The following DOT1L variants were observed in gnomAD, a reference collection of about 807,000 sequenced individuals.
The protein encoded by DOT1L is DOT1 like histone lysine methyltransferase.
Under a neutral mutation model 153.3 loss-of-function variants are expected in DOT1L, and 33 were observed. The observed-to-expected ratio is 0.22, with a 90% CI of 0.16 to 0.29. The LOEUF (loss-of-function observed/expected upper bound fraction) is 0.29. Among genes scored for constraint, DOT1L ranks in the 10% least tolerant of loss-of-function variants. The pLI is 1.00. For missense variants in DOT1L, 1,847 were observed against 2,119.9 expected, an observed-to-expected ratio of 0.87 and a Z score of 2.53; for synonymous variants, 1,135 against 965.1, an observed-to-expected ratio of 1.18 and a Z score of -3.26.
At chr19:2,215,254 A>G (rs142269282) in intron 19 of DOT1L, among the ~76,000 whole-genome samples, 1 of 152,314 alleles carries the variant, frequency 6.6e-6, no homozygotes, top group African/African-American at 2.4e-5. Context: ...TGACAGAGCC[A>G]GGCCCCATCT....
At position 2,197,608 on chromosome 19, in the gene DOT1L, C is replaced by T. The variant is rs947645246; in HGVS notation, c.652-2276C>T. On this transcript the variant is annotated intron_variant, in intron 7 of 27. Coordinates refer to ENST00000398665, the MANE Select transcript of DOT1L (RefSeq NM_032482.3). This position sits in a 1 kb window ranked among gnomAD's most constrained non-coding sequence, Gnocchi z 4.1. ...GAGCAGCATGGTGTCTAGTGTGGCACAGGTGCTCCTGGCATGGAGCTGCGT... is the reference window on the plus strand; with the variant it reads ...GAGCAGCATGGTGTCTAGTGTGGCATAGGTGCTCCTGGCATGGAGCTGCGT... Among the ~76,000 whole-genome samples the T allele has an allele frequency of 7.9e-5, 12 of 152,318 alleles. No individual in the cohort carries two copies. The highest frequency in any genetic ancestry group is 2.9e-4 in the African/African-American group (12 of 41,572).
rs572943621 is a variant in DOT1L, at chr19:2,223,581, C to T, written c.3596+95C>T. 6.1e-5 allele frequency: 68 copies of T among 1,115,128 alleles called. 1 individual carries two copies. The South Asian group carries it at 1.1e-3, about 17-fold the overall frequency. 69.1% of individuals were successfully genotyped at this position (1,115,128 alleles called of 1,614,324 possible). A position where few individuals can be genotyped will look rare whatever the true frequency, so the allele number is the denominator to read the frequency against. The stretch of plus-strand genomic sequence containing the variant: ...GTGTGGGTGGGTGGGTGGGGAGGAC[C>T]GGCAGGCTCTTAGGGGGTGCCCTGG... On this transcript the variant is annotated intron_variant, in intron 25 of 27. Coordinates refer to ENST00000398665, the MANE Select transcript of DOT1L (RefSeq NM_032482.3).
In DOT1L at chr19:2,210,446, G is replaced by A; in HGVS notation, c.1052G>A (p.Ser351Asn). 6.3e-7 allele frequency: 1 copy of A among 1,576,050 alleles called. No homozygotes were observed. The highest frequency in any genetic ancestry group is 1.1e-5 in the South Asian group (1 of 88,414). The change falls in exon 13 of 28, where the codon AGC becomes AAC. Residue 351 changes from serine (S) to asparagine (N), a missense_variant. Ser to Asn is a conservative substitution (Grantham distance 46). Coordinates refer to ENST00000398665, the MANE Select transcript of DOT1L (RefSeq NM_032482.3). ...ARRRQQRESK[S>N]NAATPTKGPE... is the part of the protein sequence containing the mutation. Reference sequence around the variant, plus strand: ...CGCCGCCAGCAGCGCGAGAGCAAGAGCAACGCGGCCACGCCCACTAAGGGC... The same window carrying A: ...CGCCGCCAGCAGCGCGAGAGCAAGAACAACGCGGCCACGCCCACTAAGGGC...
Position 2,192,332 on chromosome 19 carries a change from A to G in DOT1L, c.493+1092A>G, listed in dbSNP as rs972597372. Among the ~76,000 whole-genome samples the G allele has an allele frequency of 1.8e-4, 28 of 152,310 alleles. No homozygotes were observed. The Middle Eastern group carries it at 0.01, about 56-fold the overall frequency. ...GCATAGCAAGATCCCACTTCTGTTT[A>G]TTTATTTAAATTTATTTTCAAATTT... On this transcript the variant is annotated intron_variant, in intron 5 of 27. Coordinates refer to ENST00000398665, the MANE Select transcript of DOT1L (RefSeq NM_032482.3).
intron 1 of DOT1L, among the ~76,000 whole-genome samples, chr19:2,173,754 C>T (rs1320086097): frequency 6.6e-6 from 1 of 152,160 alleles, no homozygotes; most frequent in Non-Finnish European, 1.5e-5. Context: ...GTGAACCTTC[C>T]CGGTACCTTG....
At chr19:2,229,466 G>T (rs181384221) in intron 27 of DOT1L, 5 of 985,482 alleles carry the variant, frequency 5.1e-6, no homozygotes, top group Non-Finnish European at 6.0e-6. Flanking sequence ...GCGGGCACCT[G>T]CGGGCTGGAC....
At position 2,190,884 on chromosome 19, in the gene DOT1L, C is replaced by A; in HGVS notation, c.265-128C>A. The A allele has an allele frequency of 1.2e-6, 1 of 859,128 alleles. No homozygotes were observed. The highest frequency in any genetic ancestry group is 1.8e-6 in the Non-Finnish European group (1 of 559,278). 53.2% of individuals were successfully genotyped at this position (859,128 alleles called of 1,614,324 possible). A position where few individuals can be genotyped will look rare whatever the true frequency, so the allele number is the denominator to read the frequency against. On this transcript the variant is annotated intron_variant, in intron 4 of 27. Transcript: ENST00000398665. This position sits in a 1 kb window ranked among gnomAD's most constrained non-coding sequence, Gnocchi z 4.8. ...AACTGACCTGGGAGCCCGGCAGCCA[C>A]CCTGCAGGGGGACGAGAGGCCATGC...
chr19:2,166,806 G>T (rs565638146), intron 1 of DOT1L, among the ~76,000 whole-genome samples: 3 of 152,322 alleles, frequency 2.0e-5, no homozygotes. Flanking sequence ...AACTCATTGG[G>T]TGGTGCCCTG....
chr19:2,206,013 T>C (rs1292982768), intron 9 of DOT1L, among the ~76,000 whole-genome samples: 2 of 152,084 alleles, frequency 1.3e-5, no homozygotes, highest in Admixed American at 6.5e-5. Context: ...TTTTTTTCTT[T>C]TGAGGCAGAG....
chr19:2,200,114 G>A (rs1023843036), intron 8 of DOT1L, among the ~76,000 whole-genome samples, 175 bp downstream of exon 8: 3 of 151,998 alleles, frequency 2.0e-5, no homozygotes, highest in East Asian at 1.9e-4. Flanking sequence ...CTCTGCGGGC[G>A]CGCAGAGCAG....
chr19:2,231,408 C>T lies in DOT1L; in HGVS notation c.*1616C>T, dbSNP rs766989477. 12 of 205,040 alleles carry T rather than the reference C, an allele frequency of 5.9e-5. No homozygotes were observed. The highest frequency in any genetic ancestry group is 1.2e-4 in the Non-Finnish European group (12 of 100,172). 12.7% of individuals were successfully genotyped at this position (205,040 alleles called of 1,614,324 possible). A position where few individuals can be genotyped will look rare whatever the true frequency, so the allele number is the denominator to read the frequency against. On this transcript the variant is annotated 3_prime_UTR_variant, in exon 28 of 28. Coordinates refer to ENST00000398665, the MANE Select transcript of DOT1L (RefSeq NM_032482.3). The stretch of plus-strand genomic sequence containing the variant: ...TCCAAAGGGAGCCACGGAGGAAAGG[C>T]TTCTGTGGTTGCTAGGTGGGGGAGT...
At position 2,197,814 on chromosome 19, in the gene DOT1L, C is replaced by T. The variant is rs1358272949; in HGVS notation, c.652-2070C>T. ...AGTACCAGCCTCTGCCTCTGGCATCCGTCCTGTTTACAGCCAACCCTGCTG... is the reference window on the plus strand; with the variant it reads ...AGTACCAGCCTCTGCCTCTGGCATCTGTCCTGTTTACAGCCAACCCTGCTG... On this transcript the variant is annotated intron_variant, in intron 7 of 27. Coordinates refer to ENST00000398665, the MANE Select transcript of DOT1L (RefSeq NM_032482.3). This position sits in a 1 kb window ranked among gnomAD's most constrained non-coding sequence, Gnocchi z 4.1. Among the ~76,000 whole-genome samples, 1 of 152,188 alleles carries T rather than the reference C, an allele frequency of 6.6e-6. No individual in the cohort carries two copies. The highest frequency in any genetic ancestry group is 1.5e-5 in the Non-Finnish European group (1 of 68,038).
At chr19:2,173,708 T>C (rs894439518) in intron 1 of DOT1L, among the ~76,000 whole-genome samples, 3 of 152,186 alleles carry the variant, frequency 2.0e-5, no homozygotes, top group East Asian at 1.9e-4. Context: ...CCCAGACCCA[T>C]AGATGCTCTG....
Position 2,197,551 on chromosome 19 carries a change from T to G in DOT1L, c.652-2333T>G, listed in dbSNP as rs1252209345. On this transcript the variant is annotated intron_variant, in intron 7 of 27. Transcript: ENST00000398665. The surrounding 1 kb of genome is among the most constrained non-coding windows in gnomAD (Gnocchi z 4.1). Reference sequence around the variant, plus strand: ...CTTGTCAGCGTCTGGGTCAGCACCCTGCCTCCTGGGGCCTGGGTCCATGAC... The same window carrying G: ...CTTGTCAGCGTCTGGGTCAGCACCCGGCCTCCTGGGGCCTGGGTCCATGAC... Among the ~76,000 whole-genome samples, 1 of 152,208 alleles carries G rather than the reference T, an allele frequency of 6.6e-6. No individual in the cohort carries two copies.
rs780845932 is a variant in DOT1L at position 2,211,053 on chromosome 19, C to T, written c.1352-46C>T. The T allele has an allele frequency of 6.3e-6, 10 of 1,577,082 alleles. No homozygotes were observed. The South Asian group carries it at 1.1e-4, about 18-fold the overall frequency. ...CCCATGCTGACGCCTCTGCCCACCG[C>T]TCTCCCGACCCGCCCTGTGCTGACG... On this transcript the variant is annotated intron_variant, in intron 14 of 27. Coordinates refer to ENST00000398665, the MANE Select transcript of DOT1L (RefSeq NM_032482.3).
At chr19:2,228,410 C>T in intron 27 of DOT1L, 2 of 1,250,088 alleles carry the variant, frequency 1.6e-6, no homozygotes, top group South Asian at 2.8e-5. Flanking sequence ...CGCGGTGGCT[C>T]ACTCCAGACA....
At chr19:2,218,897 T>A (rs1479690261) in intron 22 of DOT1L, among the ~76,000 whole-genome samples, 1 of 151,100 alleles carries the variant, frequency 6.6e-6, no homozygotes, top group Non-Finnish European at 1.5e-5. Context: ...GGAGTCTTGC[T>A]CTGTTGCCCA....
intron 1 of DOT1L, among the ~76,000 whole-genome samples, chr19:2,176,552 C>G (rs976077819): frequency 2.6e-5 from 4 of 152,240 alleles, no homozygotes; most frequent in African/African-American, 9.6e-5. Context: ...GCATTTCCAG[C>G]CCTCACACCT....
At position 2,226,503 on chromosome 19, in the gene DOT1L, T is replaced by C. The variant is rs759670989; in HGVS notation, c.3982T>C (p.Leu1328=). 1 of 1,600,666 alleles carries C rather than the reference T, an allele frequency of 6.2e-7. No individual in the cohort carries two copies. The highest frequency in any genetic ancestry group is 8.5e-7 in the Non-Finnish European group (1 of 1,179,682). The stretch of plus-strand genomic sequence containing the variant: ...CGGGGGCCTGGCCGCGGACCTGAGT[T>C]TACACAGCTTCAGTGATGGTGCTTC... ...FGGGLAADLS[L]HSFSDGASLP... is the part of the protein sequence containing the mutation. The change falls in exon 27 of 28, where the codon TTA becomes CTA. Residue 1328 remains leucine (L), a synonymous_variant. Transcript: ENST00000398665.
Sources: allele counts gnomAD v4.1 joint callset (sites outside exome capture counted in the v4.1 genomes callset), GRCh38; gene constraint gnomAD v4.1.1; non-coding constraint Gnocchi (gnomAD v3.1); transcripts MANE v1.5; gene names NCBI Gene and HGNC (gene_info 2026-07-23, HGNC 2026-07-21).